Variants in ULK4 observed in about 807,000 individuals in gnomAD.
ULK4 encodes unc-51 like kinase 4.
In ULK4, 133 loss-of-function variants were observed where a neutral mutation model predicts 160.6. That is an observed-to-expected ratio of 0.83 (90% CI 0.72 to 0.96). The LOEUF (loss-of-function observed/expected upper bound fraction) is 0.96. Ranked by LOEUF, ULK4 falls within the 40% of genes least tolerant of loss-of-function variation. The pLI is 0.00. For synonymous variants in ULK4, 534 were observed against 539.8 expected, an observed-to-expected ratio of 0.99 and a Z score of 0.15; for missense variants, 1,580 against 1,499.5, an observed-to-expected ratio of 1.05 and a Z score of -0.89.
At chr3:41,550,425 T>G (rs2087017602) in intron 32 of ULK4, among the ~76,000 whole-genome samples, 1 of 151,246 alleles carries the variant, frequency 6.6e-6, no homozygotes, top group Non-Finnish European at 1.5e-5. Flanking sequence ...ACACATAAAC[T>G]TAAAGGTATG....
intron 32 of ULK4, among the ~76,000 whole-genome samples, chr3:41,486,489 G>A (rs2084538503): frequency 6.6e-6 from 1 of 152,178 alleles, no homozygotes; most frequent in Non-Finnish European, 1.5e-5. Context: ...AAGGCAGGCA[G>A]GGGAGTGGGA....
chr3:41,403,946 CA>C (rs1559574707), intron 34 of ULK4, among the ~76,000 whole-genome samples: 1 of 152,004 alleles, frequency 6.6e-6, no homozygotes, highest in Non-Finnish European at 1.5e-5. Flanking sequence ...TATTAGAGAA[CA>C]ATGTTCTATA....
chr3:41,757,869 C>T (rs369256915), intron 21 of ULK4, among the ~76,000 whole-genome samples: 2 of 151,966 alleles, frequency 1.3e-5, no homozygotes, highest in Admixed American at 6.6e-5. Flanking sequence ...CCACATGATC[C>T]GCCTGCCTTG....
intron 28 of ULK4, 37 bp downstream of exon 28, chr3:41,681,716 T>A (rs2035930273): frequency 6.2e-7 from 1 of 1,613,830 alleles, no homozygotes; most frequent in Admixed American, 1.7e-5. Context: ...ATAGAATGTG[T>A]AACTGATGCA....
intron 7 of ULK4, among the ~76,000 whole-genome samples, chr3:41,916,525 A>G (rs908291353): frequency 3.9e-5 from 6 of 151,942 alleles, no homozygotes; most frequent in African/African-American, 1.2e-4. Context: ...AGTAGGTGGG[A>G]CTACAGGCAT....
chr3:41,829,868 T>A (rs1391411251), intron 18 of ULK4, among the ~76,000 whole-genome samples: 1 of 149,372 alleles, frequency 6.7e-6, no homozygotes, highest in Non-Finnish European at 1.5e-5. Context: ...GCGGCATTAT[T>A]CACAATAGCA....
chr3:41,433,335 A>T (rs777770120), intron 34 of ULK4, among the ~76,000 whole-genome samples: 7 of 152,196 alleles, frequency 4.6e-5, no homozygotes, highest in Non-Finnish European at 1.0e-4. Context: ...AATTTCAGAA[A>T]ACTGAGTATC....
At chr3:41,253,280 T>C (rs750448453) in intron 35 of ULK4, among the ~76,000 whole-genome samples, 2 of 152,014 alleles carry the variant, frequency 1.3e-5, no homozygotes, top group Non-Finnish European at 2.9e-5. Flanking sequence ...AGCTGTTTAA[T>C]AGTAGAAAAG....
intron 29 of ULK4, among the ~76,000 whole-genome samples, chr3:41,672,624 A>G (rs1049978117): frequency 4.6e-4 from 70 of 152,220 alleles, no homozygotes; most frequent in African/African-American, 1.7e-3. Context: ...GAATAGTTCT[A>G]CTCTTTGATA....
chr3:41,924,175 A>G (rs941936395), intron 5 of ULK4, among the ~76,000 whole-genome samples: 1 of 152,190 alleles, frequency 6.6e-6, no homozygotes, highest in Non-Finnish European at 1.5e-5. Flanking sequence ...CCACTGACCA[A>G]TCATCAACCC....
chr3:41,836,158 A>T (rs1436969549), intron 17 of ULK4, among the ~76,000 whole-genome samples, 187 bp from the exon 18 acceptor site: 9 of 152,004 alleles, frequency 5.9e-5, no homozygotes, highest in Admixed American at 5.9e-4. Context: ...GTTTAGAAAT[A>T]TATTCAGTAA....
At chr3:41,762,757 G>A (rs1165425431) in intron 21 of ULK4, among the ~76,000 whole-genome samples, 2 of 147,046 alleles carry the variant, frequency 1.4e-5, no homozygotes, top group East Asian at 4.0e-4. Flanking sequence ...CCGCCTCCCA[G>A]GTTCACGCCA....
chr3:41,712,707 T>C (rs2125838751), intron 25 of ULK4, among the ~76,000 whole-genome samples: 1 of 152,174 alleles, frequency 6.6e-6, no homozygotes, highest in African/African-American at 2.4e-5. Context: ...TCAGGAAAGA[T>C]GGTGAAACCT....
chr3:41,565,858 T>C (rs181850574), intron 32 of ULK4, among the ~76,000 whole-genome samples, 167 bp downstream of exon 32: 225 of 152,254 alleles, frequency 1.5e-3, no homozygotes, highest in Non-Finnish European at 2.8e-3. Flanking sequence ...ATGAATTAAC[T>C]TAGAGAAACC....
At chr3:41,808,276 C>G (rs1005846907) in intron 19 of ULK4, among the ~76,000 whole-genome samples, 2 of 152,262 alleles carry the variant, frequency 1.3e-5, no homozygotes, top group East Asian at 1.9e-4. Flanking sequence ...TTTATAGAAG[C>G]CTTCTCAAAT....
chr3:41,542,326 A>G (rs2086724221), intron 32 of ULK4, among the ~76,000 whole-genome samples: 1 of 151,980 alleles, frequency 6.6e-6, no homozygotes, highest in Non-Finnish European at 1.5e-5. Context: ...CATTTATTAC[A>G]TTTATTGATT....
At chr3:41,770,476 T>C (rs2039315778) in intron 21 of ULK4, among the ~76,000 whole-genome samples, 2 of 152,036 alleles carry the variant, frequency 1.3e-5, no homozygotes, top group South Asian at 2.1e-4. Flanking sequence ...TACCAAAAAT[T>C]GTGTAACGTA....
At chr3:41,356,723 A>G (rs181531327) in intron 35 of ULK4, among the ~76,000 whole-genome samples, 1 of 152,336 alleles carries the variant, frequency 6.6e-6, no homozygotes, top group East Asian at 1.9e-4. Flanking sequence ...TCTTCTGGTT[A>G]GGATGTTTCA....
chr3:41,387,096 T>TA (rs551384412), intron 35 of ULK4, among the ~76,000 whole-genome samples: 1 of 151,944 alleles, frequency 6.6e-6, no homozygotes, highest in African/African-American at 2.4e-5. Context: ...TGATAGACTT[T>TA]AAAAAAAATT....
Sources: allele counts gnomAD v4.1 joint callset (sites outside exome capture counted in the v4.1 genomes callset), GRCh38; gene constraint gnomAD v4.1.1; transcripts MANE v1.5; gene names NCBI Gene and HGNC (gene_info 2026-07-23, HGNC 2026-07-21).